The following B4GALNT3 variants were observed in gnomAD, a reference collection of about 807,000 sequenced individuals.
The protein encoded by B4GALNT3 is beta-1,4-N-acetyl-galactosaminyltransferase 3.
Under a neutral mutation model 120.2 loss-of-function variants are expected in B4GALNT3, and 86 were observed. The observed-to-expected ratio is 0.72, with a 90% confidence interval of 0.60 to 0.86. B4GALNT3 has a LOEUF of 0.86. Ranked by LOEUF, B4GALNT3 falls within the 40% of genes least tolerant of loss-of-function variation. The probability of loss-of-function intolerance (pLI) is 0.00; values close to 1 mark genes in which losing one functional copy is unlikely to be tolerated. For missense variants in B4GALNT3, 1,167 were observed against 1,298.9 expected, an observed-to-expected ratio of 0.90 and a Z score of 1.56; for synonymous variants, 518 against 510.4, an observed-to-expected ratio of 1.01 and a Z score of -0.20.
At chr12:464,821 A>G (rs928752618) in intron 1 of B4GALNT3, among the ~76,000 whole-genome samples, 5 of 152,108 alleles carry the variant, frequency 3.3e-5, no homozygotes, top group South Asian at 2.1e-4. Flanking sequence ...CCTTACCTCT[A>G]TCTGTACCAC....
At chr12:522,526 A>G (rs2120624971) in intron 1 of B4GALNT3, among the ~76,000 whole-genome samples, 1 of 152,348 alleles carries the variant, frequency 6.6e-6, no homozygotes, top group East Asian at 1.9e-4. Context: ...GGAAAGTGGC[A>G]GTTCGTGTTT....
chr12:514,260 C>T (rs1045728380), intron 1 of B4GALNT3, among the ~76,000 whole-genome samples: 5 of 148,430 alleles, frequency 3.4e-5, no homozygotes, highest in East Asian at 4.0e-4. Flanking sequence ...TGCAGTGGCG[C>T]GATCTTGGCT....
At chr12:491,364 T>C (rs191961914) in intron 1 of B4GALNT3, among the ~76,000 whole-genome samples, 2 of 152,090 alleles carry the variant, frequency 1.3e-5, no homozygotes, top group Non-Finnish European at 2.9e-5. Context: ...CAGTCTTGCT[T>C]TGTTGCCCAG....
In B4GALNT3 at chr12:548,299, T is replaced by G; in HGVS notation, c.853+2T>G. The G allele has an allele frequency of 6.2e-7, 1 of 1,613,690 alleles. No individual in the cohort carries two copies. Among genetic ancestry groups the G allele is most frequent in the East Asian group, 2.2e-5 (1 of 44,874 alleles). ...CCCTCTCCCTGTCCCTCTTCACAAGTGAGTAGGCTCTGGCCCTGCCCTGGA... is the reference window on the plus strand; with the variant it reads ...CCCTCTCCCTGTCCCTCTTCACAAGGGAGTAGGCTCTGGCCCTGCCCTGGA... On this transcript the variant is annotated splice_donor_variant, in intron 9 of 19. Transcript: ENST00000266383. LOFTEE classifies it high-confidence loss of function. This position sits in a 1 kb window ranked among gnomAD's most constrained non-coding sequence, Gnocchi z 4.9.
At chr12:524,042 C>G (rs939096254) in intron 1 of B4GALNT3, among the ~76,000 whole-genome samples, 2 of 152,160 alleles carry the variant, frequency 1.3e-5, no homozygotes, top group Non-Finnish European at 2.9e-5. Context: ...GCCCAGGCGA[C>G]GGTGAGAGAC....
At chr12:482,766 T>C (rs1021077001) in intron 1 of B4GALNT3, among the ~76,000 whole-genome samples, 1 of 152,048 alleles carries the variant, frequency 6.6e-6, no homozygotes, top group Non-Finnish European at 1.5e-5. Flanking sequence ...GAGGCTAAGG[T>C]GAGAGGTTCA....
In B4GALNT3 at chr12:552,518, G is replaced by A; in HGVS notation, c.1260G>A (p.Leu420=). The change falls in exon 13 of 20, where the codon CTG becomes CTA. Residue 420 remains leucine, a synonymous_variant. Transcript: ENST00000266383. ...IKIDQPEKQG[L]EQPGFEENLL... The stretch of plus-strand genomic sequence containing the variant: ...TTGACCAGCCTGAGAAGCAGGGGCT[G>A]GAGCAGCCAGGTACAGAGTGACAGC... 6.2e-7 allele frequency: 1 copy of A among 1,613,732 alleles called. No individual in the cohort carries two copies. Among genetic ancestry groups the A allele is most frequent in the Non-Finnish European group, 8.5e-7 (1 of 1,179,930 alleles).
chr12:466,120 G>T (rs1193921309), intron 1 of B4GALNT3, among the ~76,000 whole-genome samples: 1 of 151,586 alleles, frequency 6.6e-6, no homozygotes, highest in Non-Finnish European at 1.5e-5. Flanking sequence ...TGCTGGGGCT[G>T]CCTGCCACTC....
chr12:546,324 G>T (rs1158851247), intron 6 of B4GALNT3, among the ~76,000 whole-genome samples: 1 of 151,844 alleles, frequency 6.6e-6, no homozygotes, highest in African/African-American at 2.4e-5. Flanking sequence ...CGAGTCTGAG[G>T]CTGGGGAAGG....
At position 498,162 on chromosome 12, in the gene B4GALNT3, G is replaced by A. The variant is rs367865337; in HGVS notation, c.170-37004G>A. ...AGTACCTTGGCAGTGCCCCACAGTT[G>A]CCCCTGAAGAGAGATTGTTTTTCTG... On this transcript the variant is annotated intron_variant, in intron 1 of 19. Transcript: ENST00000266383. Among the ~76,000 whole-genome samples the A allele has an allele frequency of 3.3e-5, 5 of 152,278 alleles. No individual in the cohort carries two copies. The South Asian group carries it at 1.0e-3, about 32-fold the overall frequency.
intron 3 of B4GALNT3, among the ~76,000 whole-genome samples, chr12:537,546 C>CA (rs1282206621): frequency 6.6e-6 from 1 of 152,204 alleles, no homozygotes; most frequent in African/African-American, 2.4e-5. Flanking sequence ...CATGAACCAC[C>CA]ATACTTGGCC....
intron 1 of B4GALNT3, among the ~76,000 whole-genome samples, chr12:471,720 A>AAAAT (rs10673199): frequency 0.85 from 126,361 of 148,868 alleles, 54,725 homozygotes; most frequent in East Asian, 0.95. Flanking sequence ...ATAATAATAA[A>AAAAT]AAATAAATAA....
chr12:504,323 A>G (rs569228142), intron 1 of B4GALNT3, among the ~76,000 whole-genome samples: 1 of 151,518 alleles, frequency 6.6e-6, no homozygotes, highest in Non-Finnish European at 1.5e-5. Flanking sequence ...AAAAAAAAAA[A>G]AAAGAAAATG....
Position 557,953 on chromosome 12 carries a change from A to G in B4GALNT3, c.2535-63A>G, listed in dbSNP as rs572744453. On this transcript the variant is annotated intron_variant, in intron 16 of 19. Coordinates refer to ENST00000266383, the MANE Select transcript of B4GALNT3 (RefSeq NM_173593.4). ...CATCATCTCTCTTCTATGCCTGCCA[A>G]CTTCCTCCAGGGGACCACCGCAGCT... 1.4e-4 allele frequency: 222 copies of G among 1,573,920 alleles called. 1 individual carries two copies. In the South Asian group the frequency reaches 2.2e-3, roughly 15 times the overall value.
intron 1 of B4GALNT3, among the ~76,000 whole-genome samples, chr12:533,112 G>A (rs12313561): frequency 0.012 from 1,793 of 152,320 alleles, 32 homozygotes; most frequent in African/African-American, 0.041. Flanking sequence ...TGTAACTCAT[G>A]TGTCACCCAG....
chr12:461,791 C>G (rs1946025431), intron 1 of B4GALNT3, among the ~76,000 whole-genome samples: 1 of 152,148 alleles, frequency 6.6e-6, no homozygotes, highest in African/African-American at 2.4e-5. Flanking sequence ...ATATTTATGG[C>G]CTAACCTTTC....
intron 1 of B4GALNT3, among the ~76,000 whole-genome samples, chr12:490,732 A>G (rs1946332615): frequency 6.6e-6 from 1 of 152,102 alleles, no homozygotes; most frequent in Non-Finnish European, 1.5e-5. Flanking sequence ...TGTCTCAAAA[A>G]AAAAAAAAAA....
At chr12:546,901 A>G in intron 7 of B4GALNT3, 188 bp downstream of exon 7, 1 of 609,222 alleles carries the variant, frequency 1.6e-6, no homozygotes, top group Non-Finnish European at 2.9e-6. Context: ...AGATGGGGAA[A>G]CTGAGGCCCA....
At chr12:465,381 A>G (rs1946066754) in intron 1 of B4GALNT3, among the ~76,000 whole-genome samples, 1 of 151,742 alleles carries the variant, frequency 6.6e-6, no homozygotes, top group African/African-American at 2.4e-5. Context: ...GATATTTTCC[A>G]CTGGCAGATA....
Sources: gnomAD v4.1 joint callset for allele counts (sites outside exome capture counted in the v4.1 genomes callset) on GRCh38, gnomAD v4.1.1 for gene constraint, Gnocchi (gnomAD v3.1) non-coding constraint, MANE v1.5 for transcripts, NCBI Gene and HGNC (gene_info 2026-07-23, HGNC 2026-07-21) for gene names.